The following ZDHHC20 variants were observed in gnomAD, a reference collection of about 807,000 sequenced individuals.
ZDHHC20 encodes the protein palmitoyltransferase ZDHHC20.
ZDHHC20 carries 43 observed loss-of-function variants against 57.8 expected under a neutral mutation model. The ratio of observed to expected loss-of-function variants is 0.74; its 90% CI spans 0.58 to 0.96. ZDHHC20 has a LOEUF of 0.96. ZDHHC20 is among the 40% of genes least tolerant of loss of function. The probability of loss-of-function intolerance (pLI) is 0.00; values close to 1 mark genes in which losing one functional copy is unlikely to be tolerated. For synonymous variants in ZDHHC20, 157 were observed against 153.0 expected (o/e 1.03, Z -0.19); for missense variants, 391 against 441.1 (o/e 0.89, Z 1.02).
At chr13:21,378,118 T>C (rs555337836) in intron 12 of ZDHHC20, among the ~76,000 whole-genome samples, 1 of 152,238 alleles carries the variant, frequency 6.6e-6, no homozygotes, top group South Asian at 2.1e-4. Context: ...TCTTGGCTCA[T>C]TGCAGCCTCG....
At chr13:21,440,729 T>C (rs1354050751) in intron 1 of ZDHHC20, among the ~76,000 whole-genome samples, 1 of 152,220 alleles carries the variant, frequency 6.6e-6, no homozygotes, top group Non-Finnish European at 1.5e-5. Flanking sequence ...GACCTGATTT[T>C]ACTCTTAGAA....
chr13:21,389,885 G>A (rs1427905528), intron 8 of ZDHHC20, among the ~76,000 whole-genome samples: 1 of 152,180 alleles, frequency 6.6e-6, no homozygotes, highest in African/African-American at 2.4e-5. Context: ...GAGAACTTAA[G>A]GGCTGGACTT....
chr13:21,441,548 GCTTTTT>G (rs1566111130), intron 1 of ZDHHC20, among the ~76,000 whole-genome samples: 2 of 101,672 alleles, frequency 2.0e-5, no homozygotes, highest in African/African-American at 7.6e-5. Context: ...ACCACGCCCG[GCTTTTT>G]TTTTTTTTTT....
chr13:21,391,980 T>G, intron 7 of ZDHHC20, 126 bp from the exon 8 acceptor site: 1 of 1,085,256 alleles, frequency 9.2e-7, no homozygotes, highest in African/African-American at 1.6e-5. Context: ...AATTACTTAA[T>G]ATATCCCAAT....
rs1014809410 is a variant in ZDHHC20 at position 21,375,087 on chromosome 13, T to A, written c.*1609A>T. 2.2e-6 allele frequency: 1 copy of A among 454,792 alleles called. No individual in the cohort carries two copies. The highest frequency in any genetic ancestry group is 1.6e-5 in the South Asian group (1 of 64,434). 28.2% of individuals were successfully genotyped at this position (454,792 alleles called of 1,614,324 possible). On this transcript the variant is annotated 3_prime_UTR_variant, in exon 13 of 13. Transcript: ENST00000400590. ...AGGCAGAGGTTGCAGCGAGCCAAGA[T>A]CCCGCCACTGCACTCCTGCCTGGGA...
At chr13:21,395,353 AC>A (rs1176183877) in intron 7 of ZDHHC20, among the ~76,000 whole-genome samples, 2 of 151,894 alleles carry the variant, frequency 1.3e-5, no homozygotes, top group Admixed American at 1.3e-4. Flanking sequence ...GGTGTAAGCC[AC>A]CGCGCCCGGC....
chr13:21,399,775 G>A (rs371393505), intron 7 of ZDHHC20, among the ~76,000 whole-genome samples: 8 of 151,948 alleles, frequency 5.3e-5, no homozygotes, highest in Non-Finnish European at 7.4e-5. Flanking sequence ...GCATTCTTCC[G>A]TACCTTGTTT....
intron 4 of ZDHHC20, among the ~76,000 whole-genome samples, chr13:21,403,323 T>C (rs1877975828): frequency 6.6e-6 from 1 of 151,904 alleles, no homozygotes; most frequent in African/African-American, 2.4e-5. Context: ...TTATCTGCCA[T>C]CCCTACCCCA....
chr13:21,410,553 C>G (rs550516889), intron 4 of ZDHHC20, among the ~76,000 whole-genome samples: 5 of 152,214 alleles, frequency 3.3e-5, no homozygotes, highest in Non-Finnish European at 7.3e-5. Context: ...CAGAGATGCC[C>G]TGCCCAGAGA....
rs370208040 is a variant in ZDHHC20 at position 21,393,005 on chromosome 13, TAG to T, written c.595-1153_595-1152del. On this transcript the variant is annotated intron_variant, in intron 7 of 12. Transcript: ENST00000400590. ...CTTCCTGCGGCAAAGCTTGTGCAAA[TAG>T]AGACATATATTAAGAAACCAATTTT... Among the ~76,000 whole-genome samples the T allele has an allele frequency of 2.0e-5, 3 of 152,250 alleles. No individual in the cohort carries two copies. The South Asian group carries it at 6.2e-4, about 31-fold the overall frequency.
chr13:21,447,614 C>T (rs1276895643), intron 1 of ZDHHC20, among the ~76,000 whole-genome samples: 6 of 144,066 alleles, frequency 4.2e-5, no homozygotes, highest in Admixed American at 1.4e-4. Context: ...AGTGCAGTGG[C>T]GTGGTCTCGG....
At chr13:21,385,707 C>T (rs1021207167) in intron 9 of ZDHHC20, among the ~76,000 whole-genome samples, 1 of 152,062 alleles carries the variant, frequency 6.6e-6, no homozygotes, top group East Asian at 1.9e-4. Flanking sequence ...AAAATAAAGA[C>T]GTAACTGATG....
chr13:21,386,915 A>G lies in ZDHHC20; in HGVS notation c.854+593T>C, dbSNP rs138584950. Among the ~76,000 whole-genome samples, 442 of 152,330 alleles carry G rather than the reference A, an allele frequency of 2.9e-3. 4 individuals carry two copies. Among genetic ancestry groups the G allele is most frequent in the African/African-American group, 0.01 (425 of 41,564 alleles). ...ATGAAAGCAAATAAGTCATTTTCAG[A>G]CCAAAAAAAGGCAATTCAGTTAATC... On this transcript the variant is annotated intron_variant, in intron 9 of 12. Transcript: ENST00000400590.
intron 1 of ZDHHC20, among the ~76,000 whole-genome samples, chr13:21,455,936 T>C (rs1884889783): frequency 6.6e-6 from 1 of 152,194 alleles, no homozygotes; most frequent in South Asian, 2.1e-4. Flanking sequence ...GCATGGGCTT[T>C]GGAGCCAAAC....
chr13:21,431,128 A>G (rs1881865640), intron 1 of ZDHHC20, among the ~76,000 whole-genome samples: 1 of 152,156 alleles, frequency 6.6e-6, no homozygotes, highest in Admixed American at 6.5e-5. Context: ...GTATTAGTCC[A>G]TTTTCACGCT....
chr13:21,439,513 C>G (rs1882906843), intron 1 of ZDHHC20, among the ~76,000 whole-genome samples: 1 of 151,984 alleles, frequency 6.6e-6, no homozygotes, highest in South Asian at 2.1e-4. Context: ...AGAGTGATAC[C>G]CTGTCTCAAA....
chr13:21,405,050 G>T (rs1332962522), intron 4 of ZDHHC20, among the ~76,000 whole-genome samples: 11 of 152,030 alleles, frequency 7.2e-5, no homozygotes, highest in African/African-American at 2.7e-4. Context: ...TTTCTGCTAG[G>T]ATACACAAGA....
At chr13:21,406,537 C>T (rs1878470377) in intron 4 of ZDHHC20, among the ~76,000 whole-genome samples, 1 of 151,994 alleles carries the variant, frequency 6.6e-6, no homozygotes, top group African/African-American at 2.4e-5. Flanking sequence ...CTCCCCTTCC[C>T]CTCCACCCCC....
intron 10 of ZDHHC20, 140 bp downstream of exon 10, chr13:21,382,779 TA>T: frequency 4.7e-6 from 3 of 635,088 alleles, no homozygotes; most frequent in Non-Finnish European, 7.8e-6. Context: ...AAACCTCAGT[TA>T]AAAAAATTTA....
Sources: allele counts gnomAD v4.1 joint callset (sites outside exome capture counted in the v4.1 genomes callset), GRCh38; gene constraint gnomAD v4.1.1; transcripts MANE v1.5; gene names NCBI Gene and HGNC (gene_info 2026-07-23, HGNC 2026-07-21).